Variants in WSCD1 observed in about 807,000 individuals in gnomAD.
The protein encoded by WSCD1 is WSC domain sialate O sulfotransferase 1.
In WSCD1, 41 loss-of-function variants were observed where a neutral mutation model predicts 60.4. The observed-to-expected ratio is 0.68, with a 90% CI of 0.53 to 0.88. WSCD1 has a LOEUF of 0.88. WSCD1 is among the 40% of genes least tolerant of loss of function. The pLI is 0.00. For missense variants in WSCD1, 784 were observed against 796.2 expected (o/e 0.98, Z 0.18); for synonymous variants, 361 against 332.5 (o/e 1.09, Z -0.93).
chr17:6,088,932 A>G lies in WSCD1; in HGVS notation c.542+828A>G, dbSNP rs957812843. On this transcript the variant is annotated intron_variant, in intron 3 of 8. Coordinates refer to ENST00000317744, the MANE Select transcript of WSCD1 (RefSeq NM_015253.2). ...CGAGTAGCTGGGACTACAGGCGCCCACCACCACGCCCGGCTAATTTTTTGT... is the reference window on the plus strand; with the variant it reads ...CGAGTAGCTGGGACTACAGGCGCCCGCCACCACGCCCGGCTAATTTTTTGT... Among the ~76,000 whole-genome samples, 8 of 151,526 alleles carry G rather than the reference A, an allele frequency of 5.3e-5. No homozygotes were observed. In the East Asian group the frequency reaches 9.7e-4, roughly 18 times the overall value.
chr17:6,088,125 C>T, intron 3 of WSCD1, 21 bp downstream of exon 3: 2 of 1,603,408 alleles, frequency 1.2e-6, no homozygotes, highest in South Asian at 1.1e-5. Flanking sequence ...GGGCCCTGGA[C>T]TGTTGATTCT....
chr17:6,104,008 T>C (rs2150560095), intron 5 of WSCD1, among the ~76,000 whole-genome samples: 1 of 152,308 alleles, frequency 6.6e-6, no homozygotes, highest in Non-Finnish European at 1.5e-5. Flanking sequence ...AAAAGAGGCT[T>C]ATTTGGCTCA....
chr17:6,084,358 C>T (rs1909484573), intron 2 of WSCD1, among the ~76,000 whole-genome samples: 1 of 152,244 alleles, frequency 6.6e-6, no homozygotes. Context: ...GGGCCCCTTC[C>T]TGTCGTGGGG....
upstream of WSCD1, among the ~76,000 whole-genome samples, chr17:6,070,253 G>T (rs1467947735): frequency 1.4e-5 from 2 of 142,316 alleles, no homozygotes; most frequent in African/African-American, 2.5e-5. Flanking sequence ...TCGCGGGCCG[G>T]GGCAGGGCGT....
rs1298518386 is a variant in WSCD1, at chr17:6,080,214, G to A, written c.-288-157G>A. Reference sequence around the variant, plus strand: ...CTACCCAGTGTCACACAGCTGGCCAGTAACAAAGCTGGGATTTAAACCTGG... The same window carrying A: ...CTACCCAGTGTCACACAGCTGGCCAATAACAAAGCTGGGATTTAAACCTGG... On this transcript the variant is annotated intron_variant, in intron 1 of 8. Transcript: ENST00000317744. The surrounding 1 kb of genome is among the most constrained non-coding windows in gnomAD (Gnocchi z 6.6). The A allele has an allele frequency of 5.3e-6, 1 of 190,020 alleles. No individual in the cohort carries two copies. Among genetic ancestry groups the A allele is most frequent in the African/African-American group, 2.4e-5 (1 of 41,726 alleles). The allele number at this position is 190,020 out of a possible 1,614,324, so 11.8% of individuals were successfully genotyped here.
chr17:6,110,695 C>G lies in WSCD1; in HGVS notation c.1010-76C>G. On this transcript the variant is annotated intron_variant, in intron 6 of 8. Transcript: ENST00000317744. This position sits in a 1 kb window ranked among gnomAD's most constrained non-coding sequence, Gnocchi z 4.8. ...AATGGGAGTCTTCGTTCATCAGTTC[C>G]TCTAAGGGAGTTTAGTGGTGAATTG... 6.5e-7 allele frequency: 1 copy of G among 1,528,160 alleles called. No homozygotes were observed. The highest frequency in any genetic ancestry group is 2.3e-5 in the East Asian group (1 of 43,744). The allele number at this position is 1,528,160 out of a possible 1,614,324, so 94.7% of individuals were successfully genotyped here. A position where few individuals can be genotyped will look rare whatever the true frequency, so the allele number is the denominator to read the frequency against.
In WSCD1 at chr17:6,080,804, C is replaced by A. The variant is rs1249986530; in HGVS notation, c.146C>A (p.Pro49His). 6.2e-7 allele frequency: 1 copy of A among 1,609,528 alleles called. No homozygotes were observed. Among genetic ancestry groups the A allele is most frequent in the Admixed American group, 1.7e-5 (1 of 59,676 alleles). The change falls in exon 2 of 9, where the codon CCC (proline) becomes CAC (histidine). Residue 49 changes from proline (P) to histidine (H), a missense_variant. By Grantham distance (77) the Pro-to-His change is moderately conservative. Coordinates refer to ENST00000317744, the MANE Select transcript of WSCD1 (RefSeq NM_015253.2). This position sits in a 1 kb window ranked among gnomAD's most constrained non-coding sequence, Gnocchi z 6.6. ...GCTCTCCCACAGGGCCCCCGGGCAC[C>A]CGGCCCCCTGCAGACCTTGCCAGTG... ...RVALPQGPRA[P>H]GPLQTLPVAA...
At position 6,109,849 on chromosome 17, in the gene WSCD1, G is replaced by A. The variant is rs1005713187; in HGVS notation, c.1009+83G>A. On this transcript the variant is annotated intron_variant, in intron 6 of 8. Coordinates refer to ENST00000317744, the MANE Select transcript of WSCD1 (RefSeq NM_015253.2). ...CCAGGGTTTGGAGATGCCAGTCATG[G>A]CCAAGCATGCAGTTATGAGGTATGG... 2.2e-5 allele frequency: 34 copies of A among 1,541,400 alleles called. No homozygotes were observed. In the East Asian group the frequency reaches 5.9e-4, roughly 27 times the overall value.
chr17:6,069,206 G>A, upstream of WSCD1: 5 of 398,696 alleles, frequency 1.3e-5, no homozygotes, highest in East Asian at 3.6e-5. Flanking sequence ...AGCCAGCTCC[G>A]GGTGAGGACA....
chr17:6,098,065 C>A (rs1297996706), intron 5 of WSCD1, among the ~76,000 whole-genome samples: 2 of 146,658 alleles, frequency 1.4e-5, no homozygotes, highest in Non-Finnish European at 3.0e-5. Context: ...ATCCTCCCAC[C>A]TTGGCCTCCT....
rs375078530 is a variant in WSCD1 at position 6,120,683 on chromosome 17, C to A, written c.*22C>A. On this transcript the variant is annotated 3_prime_UTR_variant, in exon 9 of 9. Transcript: ENST00000317744. ...ATGATAGGCCTGGCCCACGCCGCCG[C>A]CCCCGCTGAGTGACGCAATCGCACC... 2.3e-5 allele frequency: 36 copies of A among 1,587,098 alleles called. No individual in the cohort carries two copies. The highest frequency in any genetic ancestry group is 3.0e-5 in the Non-Finnish European group (35 of 1,164,796).
intron 5 of WSCD1, 93 bp from the exon 6 acceptor site, chr17:6,109,514 A>G: frequency 6.6e-7 from 1 of 1,516,152 alleles, no homozygotes; most frequent in Middle Eastern, 1.8e-4. Flanking sequence ...ACAGCTGGCA[A>G]TACATCGTCC....
Position 6,110,143 on chromosome 17 carries a change from C to T in WSCD1, c.1009+377C>T, listed in dbSNP as rs1044285725. Among the ~76,000 whole-genome samples the T allele has an allele frequency of 3.9e-5, 6 of 152,068 alleles. No homozygotes were observed. The highest frequency in any genetic ancestry group is 1.4e-4 in the African/African-American group (6 of 41,394). On this transcript the variant is annotated intron_variant, in intron 6 of 8. Coordinates refer to ENST00000317744, the MANE Select transcript of WSCD1 (RefSeq NM_015253.2). This position sits in a 1 kb window ranked among gnomAD's most constrained non-coding sequence, Gnocchi z 4.8. Reference sequence around the variant, plus strand: ...CAGGGGCCACTGGTGCCTCCAGGACCTGGGAACCCTCCTTGGTGTGAGCAT... The same window carrying T: ...CAGGGGCCACTGGTGCCTCCAGGACTTGGGAACCCTCCTTGGTGTGAGCAT...
upstream of WSCD1, among the ~76,000 whole-genome samples, chr17:6,069,546 G>A (rs1436781365): frequency 1.3e-5 from 2 of 152,146 alleles, no homozygotes; most frequent in East Asian, 3.9e-4. Context: ...ATGTCAAGGC[G>A]TGGGTTTGTC....
chr17:6,069,790 TGTGTGTGTGTGC>T (rs1484486393), upstream of WSCD1, among the ~76,000 whole-genome samples: 15 of 101,958 alleles, frequency 1.5e-4, no homozygotes, highest in East Asian at 1.2e-3. Context: ...TGTGTGTGTG[TGTGTGTGTGTGC>T]GTGCGTGTGT....
rs952064803 is a variant in WSCD1 at position 6,088,229 on chromosome 17, C to T, written c.542+125C>T. The stretch of plus-strand genomic sequence containing the variant: ...CATAATTGGAACTCACTGCTCAGAT[C>T]CCAGTTTTCCAGAAGAAAGGAAGTT... On this transcript the variant is annotated intron_variant, in intron 3 of 8. Transcript: ENST00000317744. 52 of 772,590 alleles carry T rather than the reference C, an allele frequency of 6.7e-5. 1 individual carries two copies. The South Asian group carries it at 9.1e-4, about 14-fold the overall frequency. The allele number at this position is 772,590 out of a possible 1,614,324, so 47.9% of individuals were successfully genotyped here.
At chr17:6,098,163 G>GT (rs386385525) in intron 5 of WSCD1, among the ~76,000 whole-genome samples, 5 of 146,828 alleles carry the variant, frequency 3.4e-5, no homozygotes, top group African/African-American at 9.9e-5. Context: ...GGGTGGGGGG[G>GT]GTCTCACCAA....
chr17:6,089,701 A>G (rs951777324), intron 3 of WSCD1, among the ~76,000 whole-genome samples: 3 of 152,238 alleles, frequency 2.0e-5, no homozygotes, highest in Non-Finnish European at 4.4e-5. Flanking sequence ...ATTGGCAAAC[A>G]GTACAAACCA....
intron 2 of WSCD1, among the ~76,000 whole-genome samples, chr17:6,086,054 G>A (rs979446976): frequency 6.6e-6 from 1 of 151,908 alleles, no homozygotes; most frequent in African/African-American, 2.4e-5. Flanking sequence ...AGACCCTTTG[G>A]CAAACACTGG....
Sources: gnomAD v4.1 joint callset for allele counts (sites outside exome capture counted in the v4.1 genomes callset) on GRCh38, gnomAD v4.1.1 for gene constraint, Gnocchi (gnomAD v3.1) non-coding constraint, MANE v1.5 for transcripts, NCBI Gene and HGNC (gene_info 2026-07-23, HGNC 2026-07-21) for gene names.